CREB5: variants seen among roughly 807,000 people sequenced by gnomAD.
CREB5 encodes cAMP responsive element binding protein 5, also known as cyclic AMP-responsive element-binding protein 5.
A neutral mutation model predicts 57.1 loss-of-function variants in CREB5; 19 were observed. That is an observed-to-expected ratio of 0.33 (90% CI 0.23 to 0.49). The LOEUF (loss-of-function observed/expected upper bound fraction) is 0.49, where lower values mean the gene tolerates loss of function less well. CREB5 is among the 20% of genes least tolerant of loss of function. The pLI, the probability that CREB5 is intolerant of heterozygous loss-of-function variation, is 0.99. For missense variants in CREB5, 579 were observed against 671.6 expected, an observed-to-expected ratio of 0.86 and a Z score of 1.52; for synonymous variants, 238 against 238.3, an observed-to-expected ratio of 1.00 and a Z score of 0.01.
At chr7:28,410,351 C>T (rs747094341), upstream of CREB5, 13 of 456,700 alleles carry the variant, frequency 2.8e-5, no homozygotes, top group South Asian at 2.0e-4. Context: ...CGAGCTTTGG[C>T]GGCGCCCAGG....
chr7:28,504,146 C>T (rs1023956725), intron 3 of CREB5, among the ~76,000 whole-genome samples: 13 of 152,160 alleles, frequency 8.5e-5, no homozygotes, highest in Admixed American at 3.3e-4. Context: ...TATCTTTGAT[C>T]TCACACGGTA....
chr7:28,641,168 G>GC (rs1798644218), intron 5 of CREB5, among the ~76,000 whole-genome samples: 1 of 152,060 alleles, frequency 6.6e-6, no homozygotes, highest in Admixed American at 6.6e-5. Context: ...GTTAGCTAAT[G>GC]CCCCAGAGAG....
At chr7:28,819,007 T>A in intron 10 of CREB5, 109 bp from the exon 11 acceptor site, 1 of 1,260,514 alleles carries the variant, frequency 7.9e-7, no homozygotes, top group East Asian at 2.3e-5. Flanking sequence ...AACTTCTATT[T>A]CAAGTAAATA....
rs137912652 is a variant in CREB5 at position 28,488,215 on chromosome 7, C to T, written c.44C>T (p.Pro15Leu). Residue 15 changes from proline to leucine, a missense_variant, in exon 2 of 11, where the codon CCG becomes CTG. Pro to Leu is a moderately conservative substitution (Grantham distance 98, BLOSUM62 -3). Coordinates refer to ENST00000357727, the MANE Select transcript of CREB5 (RefSeq NM_182898.4). ...AAGATGAATTTGGAGCAGGAGAGGC[C>T]GTTTGTCTGCAGTGCCCCAGGCTGC... The part of the protein sequence containing the change: ...ESKMNLEQER[P>L]FVCSAPGCSQ... 42 of 1,613,686 alleles carry T rather than the reference C, an allele frequency of 2.6e-5. No individual in the cohort carries two copies. Among genetic ancestry groups the T allele is most frequent in the African/African-American group, 2.0e-4 (15 of 74,866 alleles).
At chr7:28,517,361 T>G (rs1286539397) in intron 4 of CREB5, among the ~76,000 whole-genome samples, 1 of 152,228 alleles carries the variant, frequency 6.6e-6, no homozygotes, top group Non-Finnish European at 1.5e-5. Flanking sequence ...GTTAAGTTAT[T>G]TCCATACTGA....
chr7:28,376,059 C>T (rs1786816602), intron 1 of CREB5, among the ~76,000 whole-genome samples: 1 of 152,148 alleles, frequency 6.6e-6, no homozygotes, highest in South Asian at 2.1e-4. Context: ...CTCCCAACTG[C>T]TGTTGCATGT....
rs534482888 is a variant in CREB5, at chr7:28,532,477, C to T, written c.291+24740C>T. ...AGAGATCTAATACAGCTCCTGGCAC[C>T]CCAACCCTGGAAAAGCAAATCTGCC... On this transcript the variant is annotated intron_variant, in intron 4 of 10. Transcript: ENST00000357727. Among the ~76,000 whole-genome samples, 36 of 152,280 alleles carry T rather than the reference C, an allele frequency of 2.4e-4. No individual in the cohort carries two copies. The South Asian group carries it at 7.3e-3, about 31-fold the overall frequency.
intron 1 of CREB5, among the ~76,000 whole-genome samples, chr7:28,338,391 A>G (rs1785869159): frequency 6.6e-6 from 1 of 152,158 alleles, no homozygotes; most frequent in Admixed American, 6.5e-5. Flanking sequence ...CAGCAGACAT[A>G]CTATCCCAGG....
chr7:28,703,647 G>C (rs1179480285), intron 5 of CREB5, among the ~76,000 whole-genome samples: 1 of 152,122 alleles, frequency 6.6e-6, no homozygotes, highest in African/African-American at 2.4e-5. Flanking sequence ...AAGGTCAGGA[G>C]AAGACAGATG....
chr7:28,755,218 C>T (rs1187872124), intron 7 of CREB5, among the ~76,000 whole-genome samples: 2 of 152,128 alleles, frequency 1.3e-5, no homozygotes, highest in Non-Finnish European at 2.9e-5. Flanking sequence ...GGAGAAAATA[C>T]TTTGTAAAGG....
At chr7:28,357,400 T>A (rs368484920) in intron 1 of CREB5, among the ~76,000 whole-genome samples, 4 of 152,224 alleles carry the variant, frequency 2.6e-5, no homozygotes, top group African/African-American at 7.2e-5. Flanking sequence ...GACCTGCCCA[T>A]ATAACTTGTT....
At chr7:28,439,280 C>T (rs1286130883) in intron 1 of CREB5, among the ~76,000 whole-genome samples, 2 of 152,190 alleles carry the variant, frequency 1.3e-5, no homozygotes, top group Admixed American at 6.5e-5. Flanking sequence ...GCTTGATGTA[C>T]AAGGTTTGCA....
intron 5 of CREB5, among the ~76,000 whole-genome samples, chr7:28,588,188 C>T (rs914972007): frequency 6.6e-6 from 1 of 152,156 alleles, no homozygotes; most frequent in African/African-American, 2.4e-5. Context: ...TGGAGGGGGC[C>T]ATTTCCTATA....
chr7:28,621,540 T>C (rs928863766), intron 5 of CREB5, among the ~76,000 whole-genome samples: 1 of 152,230 alleles, frequency 6.6e-6, no homozygotes, highest in Non-Finnish European at 1.5e-5. Flanking sequence ...ACATGCGCTG[T>C]GGTTTTCCCT....
chr7:28,545,758 C>T (rs1459082873), intron 4 of CREB5, among the ~76,000 whole-genome samples: 1 of 152,130 alleles, frequency 6.6e-6, no homozygotes. Context: ...TCTATTTTCT[C>T]CTATCTTCAG....
intron 1 of CREB5, among the ~76,000 whole-genome samples, chr7:28,404,839 T>C (rs1193289697): frequency 6.6e-6 from 1 of 152,150 alleles, no homozygotes; most frequent in Non-Finnish European, 1.5e-5. Context: ...TCAAACCAAC[T>C]TGTGCTCAGG....
At chr7:28,590,934 G>A (rs967991483) in intron 5 of CREB5, among the ~76,000 whole-genome samples, 2 of 152,304 alleles carry the variant, frequency 1.3e-5, no homozygotes, top group Admixed American at 6.5e-5. Context: ...GTGGTTAGGA[G>A]TAAGTGTATT....
At chr7:28,592,108 T>A (rs1796542235) in intron 5 of CREB5, among the ~76,000 whole-genome samples, 1 of 152,222 alleles carries the variant, frequency 6.6e-6, no homozygotes, top group South Asian at 2.1e-4. Flanking sequence ...CAGAGACCTC[T>A]GAACCCAATT....
intron 7 of CREB5, among the ~76,000 whole-genome samples, chr7:28,737,585 A>T (rs984812881): frequency 0.02 from 1,845 of 91,240 alleles, 56 homozygotes; most frequent in South Asian, 0.042. Flanking sequence ...ATATATATAT[A>T]TATTTTTAAC....
Sources: allele counts gnomAD v4.1 joint callset (sites outside exome capture counted in the v4.1 genomes callset), GRCh38; gene constraint gnomAD v4.1.1; transcripts MANE v1.5; gene names NCBI Gene and HGNC (gene_info 2026-07-23, HGNC 2026-07-21).